Variants in RPL19 observed in about 807,000 individuals in gnomAD.
RPL19 encodes the protein large ribosomal subunit protein eL19.
RPL19 carries 2 observed loss-of-function variants against 25.1 expected under a neutral mutation model. The observed-to-expected ratio is 0.08, with a 90% CI of 0.03 to 0.25. The LOEUF (loss-of-function observed/expected upper bound fraction) is 0.25. RPL19 is among the 10% of genes least tolerant of loss of function. The pLI is 1.00. For missense variants in RPL19, 123 were observed against 271.8 expected (o/e 0.45, Z 3.85); for synonymous variants, 89 against 91.2 (o/e 0.98, Z 0.14).
In RPL19 at chr17:39,201,205, G is replaced by T; in HGVS notation, c.6-8G>T. 1 of 1,588,094 alleles carries T rather than the reference G, an allele frequency of 6.3e-7. No individual in the cohort carries two copies. The highest frequency in any genetic ancestry group is 8.6e-7 in the Non-Finnish European group (1 of 1,161,468). Reference sequence around the variant, plus strand: ...TTCAGAGTCTAATCATGTTTTCTGTGTGTCTAGTATGCTCAGGCTTCAGAA... The same window carrying T: ...TTCAGAGTCTAATCATGTTTTCTGTTTGTCTAGTATGCTCAGGCTTCAGAA... On this transcript the variant is annotated splice_polypyrimidine_tract_variant and splice_region_variant and intron_variant, in intron 1 of 5. Coordinates refer to ENST00000225430, the MANE Select transcript of RPL19 (RefSeq NM_000981.4).
At chr17:39,202,521 C>A in intron 3 of RPL19, 82 bp downstream of exon 3, 2 of 1,528,586 alleles carry the variant, frequency 1.3e-6, no homozygotes, top group South Asian at 1.1e-5. Context: ...AGCACTCTGT[C>A]TCATCTTGAG....
In RPL19 at chr17:39,204,654, C is replaced by G. The variant is rs2046312282; in HGVS notation, c.*6C>G. On this transcript the variant is annotated 3_prime_UTR_variant, in exon 6 of 6. Coordinates refer to ENST00000225430, the MANE Select transcript of RPL19 (RefSeq NM_000981.4). ...AGGAAGAGACCAAGAAATAAAACCT[C>G]CCACTTTGTCTGTACATACTGGCCT... 2.5e-6 allele frequency: 4 copies of G among 1,613,584 alleles called. No homozygotes were observed.
chr17:39,204,471 C>T (rs2144212600), intron 5 of RPL19, 54 bp from the exon 6 acceptor site: 4 of 1,606,584 alleles, frequency 2.5e-6, no homozygotes, highest in South Asian at 1.1e-5. Context: ...GCTTCTGTCT[C>T]CCTAGCATCT....
At chr17:39,202,925 A>G in intron 3 of RPL19, 64 bp from the exon 4 acceptor site, 3 of 1,577,736 alleles carry the variant, frequency 1.9e-6, no homozygotes, top group Non-Finnish European at 2.6e-6. Context: ...AACTATATTC[A>G]CTTGGTGTAC....
rs1200368897 is a variant in RPL19 at position 39,204,630 on chromosome 17, G to A, written c.573G>A (p.Glu191=). 1.9e-6 allele frequency: 3 copies of A among 1,614,116 alleles called. No individual in the cohort carries two copies. Among genetic ancestry groups the A allele is most frequent in the Non-Finnish European group, 2.5e-6 (3 of 1,179,998 alleles). Residue 191 remains glutamate, a synonymous_variant, in exon 6 of 6, where the codon GAG becomes GAA. Coordinates refer to ENST00000225430, the MANE Select transcript of RPL19 (RefSeq NM_000981.4). ...KEEIIKTLSK[E]EETKK is the part of the protein sequence containing the mutation. ...AGATCATCAAGACTTTATCCAAGGA[G>A]GAAGAGACCAAGAAATAAAACCTCC...
In RPL19 at chr17:39,204,658, CT is replaced by C; in HGVS notation, c.*13del. 1 of 1,613,422 alleles carries C rather than the reference CT, an allele frequency of 6.2e-7. No individual in the cohort carries two copies. The highest frequency in any genetic ancestry group is 1.1e-5 in the South Asian group (1 of 91,048). On this transcript the variant is annotated 3_prime_UTR_variant, in exon 6 of 6. Coordinates refer to ENST00000225430, the MANE Select transcript of RPL19 (RefSeq NM_000981.4). ...AGAGACCAAGAAATAAAACCTCCCA[CT>C]TTGTCTGTACATACTGGCCTCTGTG...
chr17:39,200,375 G>T lies in RPL19; in HGVS notation c.5+26G>T, dbSNP rs751983183. On this transcript the variant is annotated intron_variant, in intron 1 of 5. Coordinates refer to ENST00000225430, the MANE Select transcript of RPL19 (RefSeq NM_000981.4). ...GTGAGGGCGAGCTGGTCTCCATCAG[G>T]CGCTGACGCGTGTCGACAAGGGACT... 4.1e-5 allele frequency: 64 copies of T among 1,555,834 alleles called. No individual in the cohort carries two copies. The South Asian group carries it at 6.7e-4, about 16-fold the overall frequency.
At chr17:39,204,210 A>AG in intron 5 of RPL19, 23 bp downstream of exon 5, 1 of 1,402,786 alleles carries the variant, frequency 7.1e-7, no homozygotes, top group Non-Finnish European at 1.0e-6. Context: ...TCAGAGTCTT[A>AG]GGGGAACATT....
chr17:39,200,752 T>C, intron 1 of RPL19: 1 of 1,051,088 alleles, frequency 9.5e-7, no homozygotes, highest in Non-Finnish European at 1.1e-6. Flanking sequence ...AGGTGATCTC[T>C]AACTCTTGAC....
In RPL19 at chr17:39,203,998, C is replaced by T. The variant is rs954439711; in HGVS notation, c.357-79C>T. The T allele has an allele frequency of 9.0e-6, 7 of 777,798 alleles. No homozygotes were observed. In the African/African-American group the frequency reaches 1.2e-4, roughly 13 times the overall value. 48.2% of individuals were successfully genotyped at this position (777,798 alleles called of 1,614,324 possible). On this transcript the variant is annotated intron_variant, in intron 4 of 5. Coordinates refer to ENST00000225430, the MANE Select transcript of RPL19 (RefSeq NM_000981.4). ...AGAAAGGAAGCTACAAGCTTAGTGA[C>T]CTTGGGTGGAGGAACAGCTCACAAG...
At chr17:39,203,372 G>A (rs547517984) in intron 4 of RPL19, among the ~76,000 whole-genome samples, 4 of 151,734 alleles carry the variant, frequency 2.6e-5, no homozygotes, top group Non-Finnish European at 4.4e-5. Flanking sequence ...TAGTAGAGAC[G>A]GGGTTTCACT....
At chr17:39,201,002 C>T in intron 1 of RPL19, 1 of 510,560 alleles carries the variant, frequency 2.0e-6, no homozygotes. Flanking sequence ...GAAATGCGAA[C>T]ATGAGGCTCC....
intron 3 of RPL19, 111 bp downstream of exon 3, chr17:39,202,550 A>G: frequency 7.4e-7 from 1 of 1,347,526 alleles, no homozygotes; most frequent in East Asian, 2.3e-5. Context: ...TTACTCCTTG[A>G]TATTTGATGT....
chr17:39,201,113 G>A (rs746814054), intron 1 of RPL19, 100 bp from the exon 2 acceptor site: 2 of 767,270 alleles, frequency 2.6e-6, no homozygotes, highest in East Asian at 2.5e-5. Context: ...GTCTTATTTC[G>A]CGGCTGTGGT....
intron 1 of RPL19, chr17:39,200,708 C>CT: frequency 9.2e-7 from 1 of 1,086,702 alleles, no homozygotes; most frequent in Non-Finnish European, 1.1e-6. Flanking sequence ...TAGGGCAAGC[C>CT]TAGTGTAGGC....
chr17:39,204,607 A>G lies in RPL19; in HGVS notation c.550A>G (p.Ile184Val), dbSNP rs1333317919. 2.5e-6 allele frequency: 4 copies of G among 1,614,150 alleles called. No individual in the cohort carries two copies. Among genetic ancestry groups the G allele is most frequent in the Non-Finnish European group, 3.4e-6 (4 of 1,179,994 alleles). ...EERLQAKKEE[I>V]IKTLSKEEET... Reference sequence around the variant, plus strand: ...GCGCCTCCAGGCCAAGAAGGAGGAGATCATCAAGACTTTATCCAAGGAGGA... The same window carrying G: ...GCGCCTCCAGGCCAAGAAGGAGGAGGTCATCAAGACTTTATCCAAGGAGGA... Residue 184 changes from isoleucine to valine, a missense_variant, in exon 6 of 6, where the codon ATC becomes GTC. Coordinates refer to ENST00000225430, the MANE Select transcript of RPL19 (RefSeq NM_000981.4).
intron 5 of RPL19, 120 bp downstream of exon 5, chr17:39,204,307 G>T: frequency 3.6e-6 from 3 of 829,844 alleles, no homozygotes; most frequent in Non-Finnish European, 6.0e-6. Context: ...TAGGAATACA[G>T]CTGTTCCCTT....
Position 39,203,174 on chromosome 17 carries a change from A to ATTTTTTT in RPL19, c.356+84_356+90dup, listed in dbSNP as rs59332263. 655 of 595,870 alleles carry ATTTTTTT rather than the reference A, an allele frequency of 1.1e-3. 21 individuals carry two copies. Among genetic ancestry groups the ATTTTTTT allele is most frequent in the African/African-American group, 5.5e-3 (161 of 29,364 alleles). The allele number at this position is 595,870 out of a possible 1,614,324, so 36.9% of individuals were successfully genotyped here. A position where few individuals can be genotyped will look rare whatever the true frequency, so the allele number is the denominator to read the frequency against. On this transcript the variant is annotated intron_variant, in intron 4 of 5. Coordinates refer to ENST00000225430, the MANE Select transcript of RPL19 (RefSeq NM_000981.4). ...TTGATGGCTAGTTCATTTCCCAGAG[A>ATTTTTTT]TTTTTTTTTTTTTTTTTTTTTTTTT... is the stretch of plus-strand genomic sequence containing the variant.
rs774254220 is a variant in RPL19, at chr17:39,204,110, T to C, written c.390T>C (p.Asn130=). 4 of 1,612,904 alleles carry C rather than the reference T, an allele frequency of 2.5e-6. No homozygotes were observed. The highest frequency in any genetic ancestry group is 2.5e-6 in the Non-Finnish European group (3 of 1,179,058). ...GCCTGTACCTGAAGGTGAAGGGGAA[T>C]GTGTTCAAAAACAAGCGGATTCTCA... is the stretch of plus-strand genomic sequence containing the variant. ...YHSLYLKVKG[N]VFKNKRILME... is the part of the protein sequence containing the mutation. Residue 130 remains asparagine, a synonymous_variant, in exon 5 of 6, where the codon AAT becomes AAC. Coordinates refer to ENST00000225430, the MANE Select transcript of RPL19 (RefSeq NM_000981.4).
Sources: allele counts gnomAD v4.1 joint callset (sites outside exome capture counted in the v4.1 genomes callset), GRCh38; gene constraint gnomAD v4.1.1; transcripts MANE v1.5; gene names NCBI Gene and HGNC (gene_info 2026-07-23, HGNC 2026-07-21).